Variants in DCC observed in about 807,000 individuals in gnomAD.
DCC encodes the protein DCC netrin 1 receptor.
DCC carries 58 observed loss-of-function variants against 172.5 expected under a neutral mutation model. That is an observed-to-expected ratio of 0.34 (90% confidence interval 0.27 to 0.42). DCC has a LOEUF of 0.42. Ranked by LOEUF, DCC falls within the 10% of genes least tolerant of loss-of-function variation. DCC has a pLI of 1.00. For synonymous variants in DCC, 709 were observed against 644.5 expected (o/e 1.10, Z -1.52); for missense variants, 1,740 against 1,791.0 (o/e 0.97, Z 0.51).
chr18:52,399,686 G>T (rs899957005), intron 1 of DCC, among the ~76,000 whole-genome samples: 1 of 151,850 alleles, frequency 6.6e-6, no homozygotes, highest in South Asian at 2.1e-4. Flanking sequence ...AGAGGTATTT[G>T]TTCTCACTTT....
intron 14 of DCC, among the ~76,000 whole-genome samples, chr18:53,337,414 G>C (rs2057603811): frequency 6.6e-6 from 1 of 152,244 alleles, no homozygotes; most frequent in African/African-American, 2.4e-5. Context: ...GCACTGGTGA[G>C]ACTGTGGCAG....
intron 1 of DCC, among the ~76,000 whole-genome samples, chr18:52,528,839 G>A (rs957357576): frequency 2.0e-5 from 3 of 152,058 alleles, no homozygotes; most frequent in East Asian, 1.9e-4. Context: ...AATTTCCTGG[G>A]ATAAAAATAC....
intron 7 of DCC, among the ~76,000 whole-genome samples, chr18:53,087,544 T>C (rs972606732): frequency 4.6e-5 from 7 of 152,236 alleles, no homozygotes; most frequent in Admixed American, 3.9e-4. Flanking sequence ...TTCTCCCATT[T>C]TGTAGGTTGC....
chr18:52,770,244 A>T (rs2037318722), intron 2 of DCC, among the ~76,000 whole-genome samples: 1 of 151,670 alleles, frequency 6.6e-6, no homozygotes, highest in South Asian at 2.1e-4. Flanking sequence ...CACTTCCTTG[A>T]GCATGTCTCA....
intron 24 of DCC, among the ~76,000 whole-genome samples, chr18:53,461,173 G>A (rs1331829755): frequency 1.3e-5 from 2 of 152,062 alleles, no homozygotes; most frequent in Admixed American, 6.6e-5. Context: ...TGTAGATTCT[G>A]GATATTAGCC....
At chr18:53,220,273 C>G (rs2055912515) in intron 12 of DCC, among the ~76,000 whole-genome samples, 1 of 152,116 alleles carries the variant, frequency 6.6e-6, no homozygotes, top group Non-Finnish European at 1.5e-5. Flanking sequence ...TTTCAGTTCA[C>G]ACACCTCCCT....
chr18:52,368,567 A>G (rs975936362), intron 1 of DCC, among the ~76,000 whole-genome samples: 1 of 152,176 alleles, frequency 6.6e-6, no homozygotes, highest in African/African-American at 2.4e-5. Context: ...GTACTACATT[A>G]TCAAGTCAGA....
At chr18:52,412,778 T>C (rs2144407172) in intron 1 of DCC, among the ~76,000 whole-genome samples, 1 of 152,262 alleles carries the variant, frequency 6.6e-6, no homozygotes, top group Admixed American at 6.5e-5. Flanking sequence ...TAGACTTTGT[T>C]GACTAAAAAT....
intron 13 of DCC, among the ~76,000 whole-genome samples, chr18:53,315,701 C>G (rs1484584076): frequency 6.6e-6 from 1 of 152,144 alleles, no homozygotes; most frequent in South Asian, 2.1e-4. Flanking sequence ...ATTAGCATTT[C>G]TCTAATGACC....
chr18:52,756,044 ACT>A (rs780654772), intron 2 of DCC, among the ~76,000 whole-genome samples: 1 of 152,146 alleles, frequency 6.6e-6, no homozygotes, highest in Non-Finnish European at 1.5e-5. Context: ...CAGGCTACTG[ACT>A]CTCAGTATTT....
chr18:53,250,276 T>C (rs2056413892), intron 12 of DCC, among the ~76,000 whole-genome samples: 1 of 151,976 alleles, frequency 6.6e-6, no homozygotes, highest in Admixed American at 6.6e-5. Context: ...TTATAAAGTT[T>C]TACCATGAAA....
chr18:53,199,078 T>C (rs1323144604), intron 9 of DCC, among the ~76,000 whole-genome samples: 5 of 129,120 alleles, frequency 3.9e-5, no homozygotes, highest in Non-Finnish European at 6.4e-5. Flanking sequence ...TTTTTCTTTT[T>C]CTTTTTTTTT....
intron 5 of DCC, among the ~76,000 whole-genome samples, chr18:53,052,289 G>C (rs1008880145): frequency 1.1e-4 from 16 of 151,888 alleles, no homozygotes; most frequent in African/African-American, 3.4e-4. Flanking sequence ...TGAATCCATT[G>C]TGTGAAGCAA....
chr18:52,725,493 C>T (rs953663392), intron 1 of DCC, among the ~76,000 whole-genome samples: 4 of 152,196 alleles, frequency 2.6e-5, no homozygotes, highest in Non-Finnish European at 2.9e-5. Context: ...TTGCTACAGC[C>T]TGTGCCATGC....
intron 5 of DCC, among the ~76,000 whole-genome samples, chr18:52,988,402 A>T (rs1476116388): frequency 6.6e-6 from 1 of 152,174 alleles, no homozygotes; most frequent in Non-Finnish European, 1.5e-5. Flanking sequence ...CTATTTATAA[A>T]AGGATTGCTC....
chr18:53,120,147 TA>T (rs1391083481), intron 7 of DCC, among the ~76,000 whole-genome samples: 1 of 151,832 alleles, frequency 6.6e-6, no homozygotes, highest in Non-Finnish European at 1.5e-5. Flanking sequence ...TAAATATCAA[TA>T]ATTTTTATAT....
At chr18:53,146,609 A>C (rs908168590) in intron 7 of DCC, among the ~76,000 whole-genome samples, 3 of 152,248 alleles carry the variant, frequency 2.0e-5, no homozygotes, top group Non-Finnish European at 4.4e-5. Context: ...AAAACACTCA[A>C]TTCATAGAAA....
chr18:53,179,659 G>GC (rs1003597127), intron 9 of DCC, among the ~76,000 whole-genome samples: 17 of 150,736 alleles, frequency 1.1e-4, no homozygotes, highest in Non-Finnish European at 2.5e-4. Flanking sequence ...ATTCAGCTAT[G>GC]TTTTTTTTTC....
intron 3 of DCC, among the ~76,000 whole-genome samples, chr18:52,911,994 C>T (rs1315758342): frequency 6.6e-6 from 1 of 151,842 alleles, no homozygotes; most frequent in Non-Finnish European, 1.5e-5. Context: ...AAAAGGTCTG[C>T]ATATGGACTC....
Sources: gnomAD v4.1 joint callset for allele counts (sites outside exome capture counted in the v4.1 genomes callset) on GRCh38, gnomAD v4.1.1 for gene constraint, MANE v1.5 for transcripts, NCBI Gene and HGNC (gene_info 2026-07-23, HGNC 2026-07-21) for gene names.